The following NRXN3 variants were observed in gnomAD, a reference collection of about 807,000 sequenced individuals.
The protein encoded by NRXN3 is neurexin III.
Under a neutral mutation model 137.6 loss-of-function variants are expected in NRXN3, and 32 were observed. The ratio of observed to expected loss-of-function variants is 0.23; its 90% CI spans 0.18 to 0.31. The LOEUF (loss-of-function observed/expected upper bound fraction) is 0.31, where lower values mean the gene tolerates loss of function less well. Ranked by LOEUF, NRXN3 falls within the 10% of genes least tolerant of loss-of-function variation. The pLI is 1.00. For synonymous variants in NRXN3, 798 were observed against 784.5 expected, an observed-to-expected ratio of 1.02 and a Z score of -0.29; for missense variants, 1,574 against 2,062.5, an observed-to-expected ratio of 0.76 and a Z score of 4.59.
At chr14:79,034,826 T>G (rs2099613547) in intron 15 of NRXN3, among the ~76,000 whole-genome samples, 1 of 152,134 alleles carries the variant, frequency 6.6e-6, no homozygotes, top group Non-Finnish European at 1.5e-5. Flanking sequence ...AAATTGAGTT[T>G]TATACAACAT....
intron 4 of NRXN3, among the ~76,000 whole-genome samples, chr14:78,338,463 TC>T (rs2081752942): frequency 6.6e-6 from 1 of 152,114 alleles, no homozygotes; most frequent in Non-Finnish European, 1.5e-5. Flanking sequence ...TGGGGACTCT[TC>T]CTTATCAATG....
At chr14:79,360,590 C>T (rs981589986) in intron 15 of NRXN3, among the ~76,000 whole-genome samples, 4 of 152,158 alleles carry the variant, frequency 2.6e-5, no homozygotes, top group East Asian at 1.9e-4. Context: ...AGTAATAGCT[C>T]GTGCCTTAAG....
chr14:79,267,837 G>A (rs773469213), intron 15 of NRXN3, among the ~76,000 whole-genome samples: 44 of 152,136 alleles, frequency 2.9e-4, no homozygotes, highest in Non-Finnish European at 5.1e-4. Context: ...GACGTAGACT[G>A]GTATGACATT....
chr14:79,068,840 G>A (rs1225735187), intron 15 of NRXN3, among the ~76,000 whole-genome samples: 16 of 152,060 alleles, frequency 1.1e-4, no homozygotes, highest in Admixed American at 5.2e-4. Context: ...GATGTTGCCC[G>A]TCTCAGCTGG....
intron 15 of NRXN3, among the ~76,000 whole-genome samples, chr14:79,271,805 C>A (rs1390866413): frequency 1.3e-5 from 2 of 152,016 alleles, no homozygotes; most frequent in Non-Finnish European, 1.5e-5. Flanking sequence ...CCTTTCTCTG[C>A]CAATTTAAAA....
At chr14:78,540,934 T>C (rs977216281) in intron 4 of NRXN3, among the ~76,000 whole-genome samples, 1 of 152,222 alleles carries the variant, frequency 6.6e-6, no homozygotes, top group African/African-American at 2.4e-5. Flanking sequence ...TTTAGAATGT[T>C]GAATATTGGC....
intron 16 of NRXN3, among the ~76,000 whole-genome samples, chr14:79,613,821 G>A (rs1346695105): frequency 1.3e-5 from 2 of 152,320 alleles, no homozygotes; most frequent in Non-Finnish European, 1.5e-5. Flanking sequence ...TTTCATTTTA[G>A]CTTAGCAGGA....
At chr14:79,365,737 A>G (rs1329746781) in intron 15 of NRXN3, among the ~76,000 whole-genome samples, 4 of 143,736 alleles carry the variant, frequency 2.8e-5, no homozygotes, top group Non-Finnish European at 4.6e-5. Flanking sequence ...AAAAAAAAAA[A>G]AAAAAAAGAA....
chr14:79,427,778 G>A (rs1275167396), intron 15 of NRXN3, among the ~76,000 whole-genome samples: 1 of 150,532 alleles, frequency 6.6e-6, no homozygotes, highest in Non-Finnish European at 1.5e-5. Flanking sequence ...GTTGAAGAGA[G>A]CTGAGATCGC....
chr14:79,693,144 G>A (rs1364216474), intron 18 of NRXN3, among the ~76,000 whole-genome samples: 2 of 151,946 alleles, frequency 1.3e-5, no homozygotes, highest in Non-Finnish European at 2.9e-5. Flanking sequence ...GTTTTTCAAT[G>A]AAAAACAGTC....
At chr14:79,021,230 G>T (rs2099589137) in intron 15 of NRXN3, among the ~76,000 whole-genome samples, 1 of 152,124 alleles carries the variant, frequency 6.6e-6, no homozygotes, top group Non-Finnish European at 1.5e-5. Context: ...TTTGCTCAGG[G>T]TCGCCTGGCT....
At chr14:79,563,414 T>A (rs562654596) in intron 16 of NRXN3, among the ~76,000 whole-genome samples, 25 of 152,124 alleles carry the variant, frequency 1.6e-4, no homozygotes, top group South Asian at 6.2e-4. Context: ...AAGAGCAAGA[T>A]CTTTTATGGG....
intron 4 of NRXN3, among the ~76,000 whole-genome samples, chr14:78,329,396 T>G (rs1369916483): frequency 6.6e-6 from 1 of 152,068 alleles, no homozygotes; most frequent in Non-Finnish European, 1.5e-5. Flanking sequence ...AAGTAGGAAA[T>G]AAATTGGCTG....
chr14:79,529,080 GT>G (rs2097147051), intron 16 of NRXN3, among the ~76,000 whole-genome samples: 1 of 152,146 alleles, frequency 6.6e-6, no homozygotes, highest in African/African-American at 2.4e-5. Context: ...ACACCAAATT[GT>G]AAAAGGAAGG....
chr14:79,337,615 G>A (rs537042126), intron 15 of NRXN3, among the ~76,000 whole-genome samples: 27 of 152,312 alleles, frequency 1.8e-4, no homozygotes, highest in Non-Finnish European at 3.8e-4. Flanking sequence ...ACATATAAAA[G>A]AGGAAATGAT....
chr14:78,381,155 G>A (rs2089031618), intron 4 of NRXN3, among the ~76,000 whole-genome samples: 1 of 152,142 alleles, frequency 6.6e-6, no homozygotes, highest in African/African-American at 2.4e-5. Flanking sequence ...TTAGCTCAAA[G>A]TGGATCACAG....
At chr14:79,117,497 G>A (rs900768281) in intron 15 of NRXN3, among the ~76,000 whole-genome samples, 3 of 152,114 alleles carry the variant, frequency 2.0e-5, no homozygotes, top group African/African-American at 7.2e-5. Context: ...ATGATCACTA[G>A]CTGTCCCTAA....
intron 16 of NRXN3, among the ~76,000 whole-genome samples, chr14:79,476,870 A>C (rs1369121207): frequency 6.6e-6 from 1 of 152,136 alleles, no homozygotes; most frequent in Non-Finnish European, 1.5e-5. Context: ...TGGGCTTTCA[A>C]ATGCAATTCT....
chr14:78,508,615 T>C (rs546159642), intron 4 of NRXN3, among the ~76,000 whole-genome samples: 1 of 152,294 alleles, frequency 6.6e-6, no homozygotes, highest in Non-Finnish European at 1.5e-5. Flanking sequence ...GTATTAAGTC[T>C]TTTATTGAGC....
Sources: gnomAD v4.1 joint callset for allele counts (sites outside exome capture counted in the v4.1 genomes callset) on GRCh38, gnomAD v4.1.1 for gene constraint, MANE v1.5 for transcripts, NCBI Gene and HGNC (gene_info 2026-07-23, HGNC 2026-07-21) for gene names.